The following MAGI1 variants were observed in gnomAD, a reference collection of about 807,000 sequenced individuals.
The protein encoded by MAGI1 is membrane-associated guanylate kinase, WW and PDZ domain-containing protein 1.
MAGI1 carries 58 observed loss-of-function variants against 139.9 expected under a neutral mutation model. The observed-to-expected ratio is 0.41, with a 90% CI of 0.34 to 0.52. The LOEUF is 0.52. MAGI1 is among the 20% of genes least tolerant of loss of function. The probability of loss-of-function intolerance (pLI) is 0.12; values close to 1 mark genes in which losing one functional copy is unlikely to be tolerated. For synonymous variants in MAGI1, 812 were observed against 737.9 expected (o/e 1.10, Z -1.63); for missense variants, 1,874 against 1,901.6 (o/e 0.99, Z 0.27).
At chr3:65,904,779 C>T (rs2108639029) in intron 1 of MAGI1, among the ~76,000 whole-genome samples, 1 of 152,334 alleles carries the variant, frequency 6.6e-6, no homozygotes, top group South Asian at 2.1e-4. Context: ...AGACTGGAAG[C>T]TCCAGGAGGT....
At chr3:65,760,833 C>A (rs1442195118) in intron 1 of MAGI1, among the ~76,000 whole-genome samples, 1 of 152,112 alleles carries the variant, frequency 6.6e-6, no homozygotes, top group African/African-American at 2.4e-5. Flanking sequence ...AACATAAAAT[C>A]TCAACAGATG....
At chr3:65,710,969 T>C (rs1214517970) in intron 1 of MAGI1, among the ~76,000 whole-genome samples, 1 of 152,220 alleles carries the variant, frequency 6.6e-6, no homozygotes, top group Non-Finnish European at 1.5e-5. Context: ...TTCAACTGTT[T>C]GCCTTTTCTT....
At chr3:65,416,817 C>T (rs1291373808) in intron 12 of MAGI1, among the ~76,000 whole-genome samples, 3 of 151,954 alleles carry the variant, frequency 2.0e-5, no homozygotes, top group African/African-American at 7.3e-5. Flanking sequence ...GATGTTTGAA[C>T]CAAAAAGGAT....
At chr3:65,465,128 C>T (rs1251223799) in intron 5 of MAGI1, among the ~76,000 whole-genome samples, 1 of 150,888 alleles carries the variant, frequency 6.6e-6, no homozygotes, top group Admixed American at 6.6e-5. Context: ...AATGAATTAC[C>T]TTAAATATTC....
chr3:65,429,113 T>C (rs1273997142), intron 12 of MAGI1, among the ~76,000 whole-genome samples: 2 of 151,978 alleles, frequency 1.3e-5, no homozygotes, highest in Non-Finnish European at 2.9e-5. Context: ...ATAAAGGTTA[T>C]TATTTTTTAT....
intron 1 of MAGI1, among the ~76,000 whole-genome samples, chr3:66,011,447 CT>C (rs1240358352): frequency 6.6e-6 from 1 of 152,126 alleles, no homozygotes; most frequent in Non-Finnish European, 1.5e-5. Flanking sequence ...ACATACACCC[CT>C]ATGTCATATG....
At chr3:65,512,845 C>A (rs1169918738) in intron 2 of MAGI1, among the ~76,000 whole-genome samples, 1 of 151,742 alleles carries the variant, frequency 6.6e-6, no homozygotes, top group Non-Finnish European at 1.5e-5. Context: ...CAGGCAGAGA[C>A]ACAGCCAAAA....
rs532165009 is a variant in MAGI1, at chr3:65,836,639, T to A, written c.313+201357A>T. On this transcript the variant is annotated intron_variant, in intron 1 of 22. Transcript: ENST00000402939. ...TTCAAGACCAGCCTGGCCAGGATGG[T>A]GAAACCCCATCTCTACTAAAACTAC... 2.0e-4 allele frequency among the ~76,000 whole-genome samples: 31 copies of A among 151,958 alleles called. No homozygotes were observed. In the South Asian group the frequency reaches 2.5e-3, roughly 12 times the overall value.
At chr3:65,367,916 T>G (rs1260860636) in intron 18 of MAGI1, among the ~76,000 whole-genome samples, 1 of 152,244 alleles carries the variant, frequency 6.6e-6, no homozygotes, top group Non-Finnish European at 1.5e-5. Flanking sequence ...AACACCCTGC[T>G]TTGATGGCTA....
intron 1 of MAGI1, among the ~76,000 whole-genome samples, chr3:65,974,385 G>A (rs1237800068): frequency 1.6e-5 from 2 of 125,176 alleles, no homozygotes; most frequent in East Asian, 5.3e-4. Context: ...GTGGGCGGGT[G>A]GCTGGGTGGA....
intron 2 of MAGI1, among the ~76,000 whole-genome samples, chr3:65,527,382 C>A (rs944517095): frequency 2.6e-5 from 4 of 151,950 alleles, no homozygotes; most frequent in African/African-American, 9.7e-5. Context: ...GAGTTGGAGA[C>A]CAACCTGGCC....
chr3:65,756,882 G>A (rs11719170), intron 1 of MAGI1, among the ~76,000 whole-genome samples: 84,555 of 151,976 alleles, frequency 0.56, 23,903 homozygotes, highest in Middle Eastern at 0.69. Flanking sequence ...TATCCCTGAT[G>A]AAAAACAGAA....
chr3:65,791,275 C>A (rs1027918743), intron 1 of MAGI1, among the ~76,000 whole-genome samples: 1 of 152,100 alleles, frequency 6.6e-6, no homozygotes, highest in African/African-American at 2.4e-5. Flanking sequence ...GCTGAAAAAC[C>A]CAAGAGGGGC....
chr3:65,962,731 A>C (rs1369571887), intron 1 of MAGI1, among the ~76,000 whole-genome samples: 1 of 151,376 alleles, frequency 6.6e-6, no homozygotes, highest in East Asian at 2.0e-4. Flanking sequence ...AGGTTGAGAC[A>C]CAAGAAACAC....
intron 1 of MAGI1, among the ~76,000 whole-genome samples, chr3:65,747,926 G>A (rs573247248): frequency 6.6e-6 from 1 of 152,352 alleles, no homozygotes; most frequent in African/African-American, 2.4e-5. Context: ...GTGGTGGGCA[G>A]AGAAGCCAGT....
intron 1 of MAGI1, among the ~76,000 whole-genome samples, chr3:65,816,101 G>A (rs764514076): frequency 1.4e-4 from 21 of 152,016 alleles, no homozygotes; most frequent in Admixed American, 9.2e-4. Context: ...GCCTGGGTCC[G>A]AGCCCCCTCC....
chr3:65,411,661 TAAA>T (rs994663505), intron 12 of MAGI1, among the ~76,000 whole-genome samples: 1 of 152,158 alleles, frequency 6.6e-6, no homozygotes, highest in Non-Finnish European at 1.5e-5. Context: ...GCTTGTAGGT[TAAA>T]AAATACACGC....
intron 1 of MAGI1, among the ~76,000 whole-genome samples, chr3:65,875,585 TATCG>T (rs1180559130): frequency 6.6e-6 from 1 of 152,172 alleles, no homozygotes; most frequent in Non-Finnish European, 1.5e-5. Context: ...TGCCTCTCCA[TATCG>T]ATCAGCCCCA....
chr3:65,381,137 C>T (rs910455163), intron 16 of MAGI1, among the ~76,000 whole-genome samples: 8 of 152,144 alleles, frequency 5.3e-5, no homozygotes, highest in African/African-American at 1.2e-4. Context: ...GTGTGTTCAA[C>T]GTGAGCTTTC....
Sources: allele counts gnomAD v4.1 joint callset (sites outside exome capture counted in the v4.1 genomes callset), GRCh38; gene constraint gnomAD v4.1.1; transcripts MANE v1.5; gene names NCBI Gene and HGNC (gene_info 2026-07-23, HGNC 2026-07-21).